AR: variants seen among roughly 807,000 people sequenced by gnomAD.
The protein encoded by AR is dihydrotestosterone receptor.
In AR, 8 loss-of-function variants were observed where a neutral mutation model predicts 53.9. The ratio of observed to expected loss-of-function variants is 0.15; its 90% CI spans 0.09 to 0.27. The LOEUF is 0.27. Ranked by LOEUF, AR falls within the 10% of genes least tolerant of loss-of-function variation. AR has a pLI of 1.00. For missense variants in AR, 639 were observed against 742.5 expected (o/e 0.86, Z 1.62); for synonymous variants, 359 against 316.4 (o/e 1.13, Z -1.43).
At chrX:67,570,414 G>A (rs766473880) in intron 1 of AR, among the ~76,000 whole-genome samples, 28 of 112,125 alleles carry the variant, frequency 2.5e-4, no homozygotes, top group Admixed American at 3.8e-4. Flanking sequence ...GTGTTGGTAC[G>A]TAGGTGTGCA....
chrX:67,632,120 A>G (rs1249718857), intron 1 of AR, among the ~76,000 whole-genome samples: 1 of 111,514 alleles, frequency 9.0e-6, no homozygotes, highest in African/African-American at 3.3e-5. Context: ...CCCAGAGGTG[A>G]AGCCTATAGA....
intron 1 of AR, among the ~76,000 whole-genome samples, chrX:67,592,836 G>T (rs1238805846): frequency 9.0e-6 from 1 of 110,584 alleles, no homozygotes. Context: ...GTAATTGCTG[G>T]CAACTGATTT....
rs774463538 is a variant in AR at position 67,676,208 on chromosome X, G to T, written c.1769-9802G>T. On this transcript the variant is annotated intron_variant, in intron 2 of 7. Transcript: ENST00000374690. Reference sequence around the variant, plus strand: ...CCTCTGAGCAACCCTGCAAAGAGTTGCCTGTAGGAGAAACAGCTTTACTTG... The same window carrying T: ...CCTCTGAGCAACCCTGCAAAGAGTTTCCTGTAGGAGAAACAGCTTTACTTG... Among the ~76,000 whole-genome samples, 19 of 111,689 alleles carry T rather than the reference G, an allele frequency of 1.7e-4. No individual in the cohort carries two copies. The South Asian group carries it at 7.1e-3, about 42-fold the overall frequency.
chrX:67,679,981 C>G (rs1022654477), intron 2 of AR, among the ~76,000 whole-genome samples: 1 of 111,979 alleles, frequency 8.9e-6, no homozygotes, highest in African/African-American at 3.2e-5. Flanking sequence ...ACCTTTTCTA[C>G]CTTTAAAAAT....
intron 2 of AR, among the ~76,000 whole-genome samples, chrX:67,659,580 G>T (rs1262674589): frequency 1.8e-5 from 2 of 111,697 alleles, no homozygotes; most frequent in Non-Finnish European, 3.8e-5. Context: ...GTATTCCATG[G>T]TATATATGTG....
chrX:67,724,715 AC>A lies in AR; in HGVS notation c.*879del, dbSNP rs1288630666. On this transcript the variant is annotated 3_prime_UTR_variant, in exon 8 of 8. Coordinates refer to ENST00000374690, the MANE Select transcript of AR (RefSeq NM_000044.6). ...AAATTTGTCTGCATGTTAATGCCTCACCCCCAAACCCTTTTCTCTCTCACTC... is the reference window on the plus strand; with the variant it reads ...AAATTTGTCTGCATGTTAATGCCTCACCCCAAACCCTTTTCTCTCTCACTC... The A allele has an allele frequency of 1.2e-5, 2 of 173,560 alleles. No individual in the cohort carries two copies. Among genetic ancestry groups the A allele is most frequent in the Admixed American group, 8.0e-5 (1 of 12,549 alleles). 14.3% of individuals were successfully genotyped at this position (173,560 alleles called of 1,213,427 possible).
intron 3 of AR, among the ~76,000 whole-genome samples, chrX:67,700,938 A>G (rs955329062): frequency 1.8e-5 from 2 of 111,608 alleles, no homozygotes; most frequent in Admixed American, 1.9e-4. Context: ...CCATGGATTC[A>G]TTTGTGTGTA....
At chrX:67,652,366 G>T (rs767145850) in intron 2 of AR, among the ~76,000 whole-genome samples, 7 of 111,582 alleles carry the variant, frequency 6.3e-5, no homozygotes, top group Non-Finnish European at 1.3e-4. Context: ...TTACTTACAG[G>T]ATGGTTGATT....
intron 1 of AR, among the ~76,000 whole-genome samples, chrX:67,595,714 C>T (rs1016471768): frequency 9.2e-6 from 1 of 108,633 alleles, no homozygotes; most frequent in Non-Finnish European, 1.9e-5. Flanking sequence ...CTCAGAAGGC[C>T]GAGTTGGGAG....
At chrX:67,658,284 G>C (rs1218423317) in intron 2 of AR, among the ~76,000 whole-genome samples, 1 of 111,877 alleles carries the variant, frequency 8.9e-6, no homozygotes, top group Non-Finnish European at 1.9e-5. Flanking sequence ...TGCAGGCTTT[G>C]AGGAGCCAGA....
chrX:67,700,310 G>T (rs1363823833), intron 3 of AR, among the ~76,000 whole-genome samples: 1 of 111,660 alleles, frequency 9.0e-6, no homozygotes, highest in African/African-American at 3.3e-5. Flanking sequence ...TTATATGAAA[G>T]AATTAGATTT....
intron 3 of AR, among the ~76,000 whole-genome samples, chrX:67,696,797 A>G (rs4500207): frequency 9.0e-6 from 1 of 111,305 alleles, no homozygotes; most frequent in Non-Finnish European, 1.9e-5. Flanking sequence ...TTCCTCACCT[A>G]TCTCCATTTC....
chrX:67,563,121 T>C (rs752641175), intron 1 of AR, among the ~76,000 whole-genome samples: 1 of 111,983 alleles, frequency 8.9e-6, no homozygotes, highest in African/African-American at 3.2e-5. Flanking sequence ...TAAAAGCCTA[T>C]AGATGACTCC....
At chrX:67,600,628 T>G (rs1923310271) in intron 1 of AR, among the ~76,000 whole-genome samples, 1 of 111,227 alleles carries the variant, frequency 9.0e-6, no homozygotes, top group African/African-American at 3.3e-5. Flanking sequence ...TAAGACCTAT[T>G]ATGTGATAGC....
At position 67,677,202 on chromosome X, in the gene AR, C is replaced by A. The variant is rs187351772; in HGVS notation, c.1769-8808C>A. ...TGCAAAATAAGATACCCTGTTGATT[C>A]TTTTTATTCCATACAGATACTACTA... On this transcript the variant is annotated intron_variant, in intron 2 of 7. Coordinates refer to ENST00000374690, the MANE Select transcript of AR (RefSeq NM_000044.6). Among the ~76,000 whole-genome samples the A allele has an allele frequency of 8.0e-3, 897 of 111,574 alleles. 7 individuals carry two copies. Among genetic ancestry groups the A allele is most frequent in the African/African-American group, 0.028 (854 of 30,718 alleles).
At chrX:67,572,701 G>T in intron 1 of AR, among the ~76,000 whole-genome samples, 1 of 111,227 alleles carries the variant, frequency 9.0e-6, no homozygotes, top group Admixed American at 9.6e-5. Context: ...TAAATTTCGA[G>T]TTGTAAGTAG....
chrX:67,680,044 A>G (rs1442200960), intron 2 of AR, among the ~76,000 whole-genome samples: 1 of 112,238 alleles, frequency 8.9e-6, no homozygotes, highest in Non-Finnish European at 1.9e-5. Context: ...TTCCTCTTTT[A>G]AATTGACATA....
intron 1 of AR, among the ~76,000 whole-genome samples, chrX:67,629,744 G>T (rs1411103874): frequency 9.2e-6 from 1 of 109,157 alleles, no homozygotes; most frequent in Non-Finnish European, 1.9e-5. Flanking sequence ...TGTCAATTTT[G>T]GATCTTTCCT....
chrX:67,660,592 T>C (rs1926846497), intron 2 of AR, among the ~76,000 whole-genome samples: 1 of 111,941 alleles, frequency 8.9e-6, no homozygotes, highest in East Asian at 2.8e-4. Flanking sequence ...TTGGTACCAG[T>C]ACCATGCTGT....
Sources: allele counts gnomAD v4.1 joint callset (sites outside exome capture counted in the v4.1 genomes callset), GRCh38; gene constraint gnomAD v4.1.1; transcripts MANE v1.5; gene names NCBI Gene and HGNC (gene_info 2026-07-23, HGNC 2026-07-21).